FTO: variants seen among roughly 807,000 people sequenced by gnomAD.
FTO encodes alpha-ketoglutarate-dependent dioxygenase FTO.
Under a neutral mutation model 63.9 loss-of-function variants are expected in FTO, and 47 were observed. The observed-to-expected ratio is 0.74, with a 90% confidence interval of 0.58 to 0.94. The LOEUF is 0.94. Ranked by LOEUF, FTO falls within the 40% of genes least tolerant of loss-of-function variation. The probability of loss-of-function intolerance (pLI) is 0.00; values close to 1 mark genes in which losing one functional copy is unlikely to be tolerated. For synonymous variants in FTO, 207 were observed against 224.4 expected (o/e 0.92, Z 0.69); for missense variants, 562 against 618.1 (o/e 0.91, Z 0.96).
Position 53,873,864 on chromosome 16 carries a change from A to T in FTO, c.974A>T (p.Glu325Val), listed in dbSNP as rs202007463. 4.1e-4 allele frequency: 658 copies of T among 1,610,146 alleles called. 6 individuals carry two copies. The South Asian group carries it at 6.6e-3, about 16-fold the overall frequency. The change falls in exon 5 of 9, where the codon GAG (glutamate) becomes GTG (valine). Residue 325 changes from glutamate to valine, a missense_variant and splice_region_variant. Glu to Val is a moderately radical substitution (Grantham distance 121). Transcript: ENST00000471389. ...TTTAGTTCCACCCACCGAGTGGCAG[A>T]GGTAAGTGTAAATAAAAATGTGATT... The part of the protein sequence containing the change: ...PRFSSTHRVA[E>V]CSTGTLDYIL...
At chr16:53,785,774 G>A (rs2077718904) in intron 1 of FTO, among the ~76,000 whole-genome samples, 1 of 152,074 alleles carries the variant, frequency 6.6e-6, no homozygotes, top group South Asian at 2.1e-4. Context: ...GCTGGGCGTG[G>A]TGACATGCGC....
chr16:54,083,276 T>TC (rs1427433521), intron 8 of FTO, among the ~76,000 whole-genome samples: 3 of 152,080 alleles, frequency 2.0e-5, no homozygotes, highest in East Asian at 1.9e-4. Flanking sequence ...TCTCCTCACC[T>TC]CCCCCCATTT....
At chr16:54,041,936 C>T (rs924567776) in intron 8 of FTO, among the ~76,000 whole-genome samples, 2 of 152,144 alleles carry the variant, frequency 1.3e-5, no homozygotes, top group Non-Finnish European at 2.9e-5. Flanking sequence ...TTATGTCCTG[C>T]GGATGGCTGT....
At chr16:53,976,131 A>G (rs1325804224) in intron 8 of FTO, among the ~76,000 whole-genome samples, 2 of 152,154 alleles carry the variant, frequency 1.3e-5, no homozygotes, top group African/African-American at 4.8e-5. Flanking sequence ...CAGCTATTCT[A>G]ATCAAATATA....
intron 4 of FTO, among the ~76,000 whole-genome samples, chr16:53,857,302 G>A (rs2080031095): frequency 6.6e-6 from 1 of 152,096 alleles, no homozygotes; most frequent in Non-Finnish European, 1.5e-5. Context: ...TTTACTCAGT[G>A]TTTAGCTCCC....
chr16:53,735,434 C>T (rs979360838), intron 1 of FTO, among the ~76,000 whole-genome samples: 10 of 152,202 alleles, frequency 6.6e-5, no homozygotes, highest in Middle Eastern at 3.2e-3. Flanking sequence ...GAATGCAAAT[C>T]AGCTAACATG....
At chr16:54,048,255 TGAAAA>T (rs1387001667) in intron 8 of FTO, among the ~76,000 whole-genome samples, 1 of 81,218 alleles carries the variant, frequency 1.2e-5, no homozygotes, top group African/African-American at 6.6e-5. Flanking sequence ...TAAAAATACT[TGAAAA>T]AAAAAAAAAA....
At chr16:54,024,072 A>G (rs1205340652) in intron 8 of FTO, among the ~76,000 whole-genome samples, 1 of 152,030 alleles carries the variant, frequency 6.6e-6, no homozygotes, top group East Asian at 1.9e-4. Context: ...TTATGCTATT[A>G]GGAATAATGC....
At chr16:53,915,692 A>C (rs141176275) in intron 7 of FTO, among the ~76,000 whole-genome samples, 58 of 152,296 alleles carry the variant, frequency 3.8e-4, no homozygotes, top group African/African-American at 1.4e-3. Flanking sequence ...CCATTTTTCT[A>C]ATCCTTTCAG....
intron 8 of FTO, among the ~76,000 whole-genome samples, chr16:54,104,325 TTTTTTGGGATGGAG>T (rs1163432327): frequency 6.6e-6 from 1 of 151,488 alleles, no homozygotes; most frequent in East Asian, 1.9e-4. Flanking sequence ...TTTTTTTTTT[TTTTTTGGGATGGAG>T]TTTCACTCTG....
chr16:53,985,316 C>T (rs2083640743), intron 8 of FTO, among the ~76,000 whole-genome samples: 1 of 152,172 alleles, frequency 6.6e-6, no homozygotes, highest in South Asian at 2.1e-4. Context: ...AGCGTTCAAC[C>T]TGAGACTAGC....
intron 7 of FTO, among the ~76,000 whole-genome samples, chr16:53,927,779 A>C (rs772705383): frequency 6.6e-6 from 1 of 152,068 alleles, no homozygotes; most frequent in Non-Finnish European, 1.5e-5. Flanking sequence ...AATAAAACCC[A>C]CCCTCAAAGG....
At chr16:54,044,206 G>A (rs1280716233) in intron 8 of FTO, among the ~76,000 whole-genome samples, 1 of 75,692 alleles carries the variant, frequency 1.3e-5, no homozygotes, top group Admixed American at 1.5e-4. Flanking sequence ...CTGTATTCAG[G>A]AAACCCATCT....
chr16:54,076,892 C>T (rs184251506), intron 8 of FTO, among the ~76,000 whole-genome samples: 28 of 152,246 alleles, frequency 1.8e-4, no homozygotes, highest in African/African-American at 6.7e-4. Context: ...TTTTCCCAAA[C>T]GATGAGGCAT....
At chr16:53,776,042 G>A (rs924492621) in intron 1 of FTO, among the ~76,000 whole-genome samples, 1 of 152,040 alleles carries the variant, frequency 6.6e-6, no homozygotes, top group Non-Finnish European at 1.5e-5. Flanking sequence ...GTCAATCTGG[G>A]GGCTGAAGCG....
chr16:54,087,719 C>T (rs1465176191), intron 8 of FTO, among the ~76,000 whole-genome samples: 2 of 152,210 alleles, frequency 1.3e-5, no homozygotes, highest in African/African-American at 2.4e-5. Context: ...AGGAGGATTG[C>T]TTGAGCCCTG....
intron 3 of FTO, among the ~76,000 whole-genome samples, chr16:53,829,950 T>C (rs563520633): frequency 6.6e-6 from 1 of 152,024 alleles, no homozygotes; most frequent in South Asian, 2.1e-4. Flanking sequence ...TCCTTGCCAC[T>C]GGAGAGGTTC....
intron 8 of FTO, among the ~76,000 whole-genome samples, chr16:54,047,863 C>A (rs1317425440): frequency 3.4e-5 from 1 of 29,522 alleles, no homozygotes. Flanking sequence ...ATCGCAAGAA[C>A]AAAAAACCAA....
chr16:54,025,393 A>G (rs1333162243), intron 8 of FTO, among the ~76,000 whole-genome samples: 1 of 152,220 alleles, frequency 6.6e-6, no homozygotes, highest in Non-Finnish European at 1.5e-5. Context: ...GTCACCCAGT[A>G]ACCACTGCCT....
Sources: gnomAD v4.1 joint callset for allele counts (sites outside exome capture counted in the v4.1 genomes callset) on GRCh38, gnomAD v4.1.1 for gene constraint, MANE v1.5 for transcripts, NCBI Gene and HGNC (gene_info 2026-07-23, HGNC 2026-07-21) for gene names.